PLEKHM3: variants seen among roughly 807,000 people sequenced by gnomAD.
The protein encoded by PLEKHM3 is pleckstrin homology domain containing M3, also known as pleckstrin homology domain-containing family M member 3.
A neutral mutation model predicts 81.8 loss-of-function variants in PLEKHM3; 45 were observed. That is an observed-to-expected ratio of 0.55 (90% CI 0.43 to 0.71). The LOEUF (loss-of-function observed/expected upper bound fraction) is 0.71. Among genes scored for constraint, PLEKHM3 ranks in the 30% least tolerant of loss-of-function variants. The pLI is 0.00. For missense variants in PLEKHM3, 788 were observed against 924.3 expected, an observed-to-expected ratio of 0.85 and a Z score of 1.91; for synonymous variants, 352 against 356.4, an observed-to-expected ratio of 0.99 and a Z score of 0.14.
chr2:207,852,641 G>A, intron 7 of PLEKHM3: 1 of 294,956 alleles, frequency 3.4e-6, no homozygotes, highest in South Asian at 3.2e-5. Context: ...AGTGACTCAA[G>A]TTCAACACAG....
At chr2:207,941,606 C>T (rs1272292499) in intron 4 of PLEKHM3, among the ~76,000 whole-genome samples, 1 of 151,910 alleles carries the variant, frequency 6.6e-6, no homozygotes, top group African/African-American at 2.4e-5. Context: ...GCAACAAGAG[C>T]AAAAATAGAT....
In PLEKHM3 at chr2:207,903,768, G is replaced by T. The variant is rs367818658; in HGVS notation, c.1950+4746C>A. 5.3e-5 allele frequency among the ~76,000 whole-genome samples: 8 copies of T among 152,312 alleles called. No homozygotes were observed. The East Asian group carries it at 1.2e-3, about 22-fold the overall frequency. ...TGGAACCTTTTCATTAGTGTTAAAA[G>T]TGCCAAGGGGATGTGAGTAAGGAGA... On this transcript the variant is annotated intron_variant, in intron 6 of 7. Transcript: ENST00000427836.
intron 2 of PLEKHM3, among the ~76,000 whole-genome samples, chr2:207,994,577 A>G (rs930436016): frequency 6.6e-6 from 1 of 152,074 alleles, no homozygotes; most frequent in Non-Finnish European, 1.5e-5. Context: ...TCTCAGGGCT[A>G]GTTCCCAGTC....
chr2:207,974,097 T>C (rs1574458972), intron 3 of PLEKHM3, among the ~76,000 whole-genome samples: 1 of 152,256 alleles, frequency 6.6e-6, no homozygotes, highest in South Asian at 2.1e-4. Context: ...CAAGCCAAAT[T>C]TCGTGAGCAC....
chr2:207,862,217 AAATAC>A (rs2092471143), intron 6 of PLEKHM3, among the ~76,000 whole-genome samples: 1 of 152,250 alleles, frequency 6.6e-6, no homozygotes, highest in Non-Finnish European at 1.5e-5. Context: ...ATGCAGACAC[AAATAC>A]ATGCTGGTTT....
chr2:207,861,033 G>T, intron 7 of PLEKHM3, 72 bp downstream of exon 7: 1 of 1,517,462 alleles, frequency 6.6e-7, no homozygotes, highest in Non-Finnish European at 9.0e-7. Context: ...ACTAAAAGTT[G>T]GCCTGATTTG....
At chr2:207,888,004 C>T (rs757329187) in intron 6 of PLEKHM3, among the ~76,000 whole-genome samples, 15 of 152,056 alleles carry the variant, frequency 9.9e-5, no homozygotes, top group Non-Finnish European at 2.2e-4. Context: ...AAATATCTGT[C>T]TTTCTCAGTC....
At chr2:207,991,053 C>G (rs1013603735) in intron 2 of PLEKHM3, among the ~76,000 whole-genome samples, 30 of 152,156 alleles carry the variant, frequency 2.0e-4, no homozygotes, top group African/African-American at 7.0e-4. Context: ...AAGTGTGAAC[C>G]TGACTAGGAG....
At chr2:207,950,149 A>C (rs1690281910) in intron 3 of PLEKHM3, among the ~76,000 whole-genome samples, 1 of 152,176 alleles carries the variant, frequency 6.6e-6, no homozygotes, top group South Asian at 2.1e-4. Context: ...GCAGCACATA[A>C]ACACCTACCT....
chr2:207,901,072 C>T (rs1688409559), intron 6 of PLEKHM3: 1 of 593,878 alleles, frequency 1.7e-6, no homozygotes, highest in Non-Finnish European at 3.0e-6. Context: ...GTTGTCTCTA[C>T]CTGAGGGGCT....
intron 5 of PLEKHM3, among the ~76,000 whole-genome samples, chr2:207,919,259 G>A (rs1348038073): frequency 6.6e-6 from 1 of 152,204 alleles, no homozygotes; most frequent in African/African-American, 2.4e-5. Flanking sequence ...CCAACAAAAA[G>A]GCCAGTGTGA....
intron 5 of PLEKHM3, among the ~76,000 whole-genome samples, chr2:207,922,960 A>G (rs577384619): frequency 1.3e-5 from 2 of 152,336 alleles, no homozygotes; most frequent in African/African-American, 4.8e-5. Context: ...AAGAGAAGCC[A>G]AGTCAAGTCG....
chr2:207,936,281 A>AC (rs1553557443), intron 4 of PLEKHM3, among the ~76,000 whole-genome samples: 2 of 151,974 alleles, frequency 1.3e-5, no homozygotes, highest in Admixed American at 6.6e-5. Flanking sequence ...CTATTTGTGT[A>AC]TTTTTTTTAC....
intron 2 of PLEKHM3, among the ~76,000 whole-genome samples, chr2:207,994,449 G>A (rs892400434): frequency 6.6e-6 from 1 of 152,040 alleles, no homozygotes; most frequent in Admixed American, 6.6e-5. Context: ...TGAAGAGCAT[G>A]TCTTTATACA....
At chr2:207,916,033 T>C (rs1297732034) in intron 5 of PLEKHM3, among the ~76,000 whole-genome samples, 1 of 152,200 alleles carries the variant, frequency 6.6e-6, no homozygotes, top group African/African-American at 2.4e-5. Context: ...CCAGCCATAC[T>C]CTGAGCTAAT....
chr2:207,989,862 C>T (rs753308308), intron 2 of PLEKHM3, among the ~76,000 whole-genome samples: 3 of 152,232 alleles, frequency 2.0e-5, no homozygotes, highest in Non-Finnish European at 4.4e-5. Flanking sequence ...ACCTCTGAGT[C>T]ACAAGCATCA....
chr2:207,868,906 T>A (rs2092517650), intron 6 of PLEKHM3: 6 of 152,180 alleles, frequency 3.9e-5, no homozygotes, highest in Admixed American at 3.9e-4. Flanking sequence ...CAGTAGAAAT[T>A]AATGTAAAGC....
Position 208,001,539 on chromosome 2 carries a change from G to T in PLEKHM3, c.101C>A (p.Ala34Glu). 6.2e-7 allele frequency: 1 copy of T among 1,614,108 alleles called. No individual in the cohort carries two copies. The highest frequency in any genetic ancestry group is 1.1e-5 in the South Asian group (1 of 91,078). Reference sequence around the variant, plus strand: ...GACTTCCTGGATCCCATAAACCTCTGCCTGCTGCACAGCCTTTTCTAGATT... The same window carrying T: ...GACTTCCTGGATCCCATAAACCTCTTCCTGCTGCACAGCCTTTTCTAGATT... ...DSNLEKAVQQ[A>E]EVYGIQEVPE... The change falls in exon 2 of 8, where the codon GCA (alanine) becomes GAA (glutamate). Residue 34 changes from alanine to glutamate, a missense_variant. By Grantham distance (107) the Ala-to-Glu change is moderately radical. Transcript: ENST00000427836.
rs2092253631 is a variant in PLEKHM3 at position 207,826,738 on chromosome 2, G to A, written c.*1581C>T. ...CAATGGGGTTGAATGTACCAAGTAT[G>A]TTGTGAGCCACTGATCCTAATAGCA... On this transcript the variant is annotated 3_prime_UTR_variant, in exon 8 of 8. Transcript: ENST00000427836. The A allele has an allele frequency of 6.6e-6, 1 of 152,220 alleles. No individual in the cohort carries two copies. The highest frequency in any genetic ancestry group is 2.1e-4 in the South Asian group (1 of 4,840). The allele number at this position is 152,220 out of a possible 1,614,324, so 9.4% of individuals were successfully genotyped here.
Sources: allele counts gnomAD v4.1 joint callset (sites outside exome capture counted in the v4.1 genomes callset), GRCh38; gene constraint gnomAD v4.1.1; transcripts MANE v1.5; gene names NCBI Gene and HGNC (gene_info 2026-07-23, HGNC 2026-07-21).